Variants in CNOT2 observed in about 807,000 individuals in gnomAD.
The protein encoded by CNOT2 is CCR4-NOT transcription complex subunit 2, also known as CC chemokine receptor 4-negative regulator of transcription 2.
Under a neutral mutation model 72.1 loss-of-function variants are expected in CNOT2, and 7 were observed. The observed-to-expected ratio is 0.10, with a 90% confidence interval of 0.06 to 0.18. The LOEUF is 0.18. Among genes scored for constraint, CNOT2 ranks in the 10% least tolerant of loss-of-function variants. The pLI is 1.00. For synonymous variants in CNOT2, 196 were observed against 225.6 expected, an observed-to-expected ratio of 0.87 and a Z score of 1.17; for missense variants, 345 against 660.3, an observed-to-expected ratio of 0.52 and a Z score of 5.23.
intron 2 of CNOT2, among the ~76,000 whole-genome samples, chr12:70,297,005 A>AT (rs1872924552): frequency 6.6e-6 from 1 of 152,200 alleles, no homozygotes; most frequent in African/African-American, 2.4e-5. Flanking sequence ...AAGGGCAATT[A>AT]TAAAAACGCT....
At chr12:70,275,061 C>T (rs1024058012) in intron 1 of CNOT2, among the ~76,000 whole-genome samples, 1 of 151,532 alleles carries the variant, frequency 6.6e-6, no homozygotes, top group Non-Finnish European at 1.5e-5. Flanking sequence ...TTGTGTTTAC[C>T]TTTATAAGAA....
Position 70,329,462 on chromosome 12 carries a change from C to A in CNOT2, c.278C>A (p.Thr93Asn), listed in dbSNP as rs983374398. ...CCAATGAGGGGGATGAGCAACAATA[C>A]CCCTCAGTTAAATCGCAGCTTATCA... ...GLPMRGMSNNTPQLNRSLSQG... is the reference protein window; with the variant it reads ...GLPMRGMSNNNPQLNRSLSQG... The change falls in exon 5 of 16, where the codon ACC (threonine) becomes AAC (asparagine). Residue 93 changes from threonine (T) to asparagine (N), a missense_variant. This residue lies in a region of CNOT2 where 157 missense variants were observed against 235.3 expected (regional missense o/e 0.67). Coordinates refer to ENST00000229195, the MANE Select transcript of CNOT2 (RefSeq NM_014515.7). 9 of 1,611,608 alleles carry A rather than the reference C, an allele frequency of 5.6e-6. No individual in the cohort carries two copies. The African/African-American group carries it at 1.2e-4, about 22-fold the overall frequency.
rs1447918808 is a variant in CNOT2, at chr12:70,338,517, A to C, written c.975A>C (p.Thr325=). The C allele has an allele frequency of 6.2e-7, 1 of 1,613,294 alleles. No individual in the cohort carries two copies. Among genetic ancestry groups the C allele is most frequent in the African/African-American group, 1.3e-5 (1 of 74,902 alleles). ...PKFPGDKSST[T]QNNNQQKKGI... ...TCCCTGGAGATAAAAGTTCAACAAC[A>C]CAAAATAATAACCAGCAGAAAAAAG... Residue 325 remains threonine, a synonymous_variant, in exon 10 of 16, where the codon ACA becomes ACC. Coordinates refer to ENST00000229195, the MANE Select transcript of CNOT2 (RefSeq NM_014515.7).
chr12:70,329,592 T>A, intron 5 of CNOT2, 22 bp downstream of exon 5: 1 of 1,569,840 alleles, frequency 6.4e-7, no homozygotes, highest in African/African-American at 1.4e-5. Context: ...TGGACCAGAA[T>A]ATTTTTCAAA....
At chr12:70,284,810 C>G (rs113813817) in intron 2 of CNOT2, among the ~76,000 whole-genome samples, 31 of 152,254 alleles carry the variant, frequency 2.0e-4, no homozygotes, top group African/African-American at 7.5e-4. Flanking sequence ...ATAAGTTTCA[C>G]CAAGACACCT....
rs11178158 is a variant in CNOT2 at position 70,252,512 on chromosome 12, A to T, written c.-96+9032A>T. 4.5e-3 allele frequency among the ~76,000 whole-genome samples: 681 copies of T among 152,298 alleles called. 31 individuals carry two copies. The East Asian group carries it at 0.1, about 23-fold the overall frequency. On this transcript the variant is annotated intron_variant, in intron 1 of 15. Coordinates refer to ENST00000229195, the MANE Select transcript of CNOT2 (RefSeq NM_014515.7). ...TATGCATTATATACTATTTTATCAT[A>T]ACAAAAGTTAATGGTTCAACTATGG...
At chr12:70,317,706 A>C (rs562933638) in intron 3 of CNOT2, among the ~76,000 whole-genome samples, 12 of 149,252 alleles carry the variant, frequency 8.0e-5, no homozygotes, top group Admixed American at 7.4e-4. Flanking sequence ...GCCCTACCTC[A>C]AGAGTTACTG....
At chr12:70,335,297 G>A in intron 7 of CNOT2, 141 bp from the exon 8 acceptor site, 1 of 540,470 alleles carries the variant, frequency 1.9e-6, no homozygotes, top group South Asian at 2.8e-5. Flanking sequence ...TATCTTTTGA[G>A]CACCTACATA....
chr12:70,327,467 A>G (rs1593243395), intron 4 of CNOT2: 3 of 151,896 alleles, frequency 2.0e-5, no homozygotes, highest in African/African-American at 7.2e-5. Flanking sequence ...TAAGAGATCT[A>G]AATTCTAGTC....
intron 1 of CNOT2, among the ~76,000 whole-genome samples, chr12:70,259,042 T>A (rs1958603008): frequency 6.6e-6 from 1 of 152,204 alleles, no homozygotes; most frequent in Non-Finnish European, 1.5e-5. Flanking sequence ...TATATACTCT[T>A]CACAGTTGTT....
At chr12:70,290,405 C>A (rs535637735) in intron 2 of CNOT2, among the ~76,000 whole-genome samples, 51 of 152,240 alleles carry the variant, frequency 3.3e-4, no homozygotes, top group Non-Finnish European at 5.9e-4. Context: ...TTCTCCACTT[C>A]CTCAATTCAC....
chr12:70,276,169 T>TA (rs1461654110), intron 1 of CNOT2, among the ~76,000 whole-genome samples: 1 of 152,022 alleles, frequency 6.6e-6, no homozygotes, highest in Non-Finnish European at 1.5e-5. Context: ...GGTAAATTCT[T>TA]ACAGATTAAA....
intron 1 of CNOT2, among the ~76,000 whole-genome samples, chr12:70,264,431 G>C (rs1958927128): frequency 6.6e-6 from 1 of 152,206 alleles, no homozygotes; most frequent in South Asian, 2.1e-4. Context: ...GTCTGCTCCT[G>C]CTCTGCAGCA....
At chr12:70,336,505 A>G (rs1224834012) in intron 8 of CNOT2, 1 of 152,118 alleles carries the variant, frequency 6.6e-6, no homozygotes, top group African/African-American at 2.4e-5. Flanking sequence ...ATTTTAAGAT[A>G]GAATTAATAT....
At chr12:70,319,753 T>C (rs1192654999) in intron 4 of CNOT2, among the ~76,000 whole-genome samples, 4 of 151,718 alleles carry the variant, frequency 2.6e-5, no homozygotes, top group Non-Finnish European at 4.4e-5. Flanking sequence ...TGCACGCCTG[T>C]TTATTAAGTA....
At chr12:70,296,654 G>GT (rs200096426) in intron 2 of CNOT2, among the ~76,000 whole-genome samples, 2,729 of 143,142 alleles carry the variant, frequency 0.019, 74 homozygotes, top group African/African-American at 0.059. Flanking sequence ...CACATGAAGA[G>GT]TTTTTTTTTT....
At chr12:70,250,786 A>C (rs1371709809) in intron 1 of CNOT2, among the ~76,000 whole-genome samples, 4 of 152,072 alleles carry the variant, frequency 2.6e-5, no homozygotes, top group Non-Finnish European at 4.4e-5. Flanking sequence ...GAAGATAAGA[A>C]ATTTCATAAA....
Position 70,300,702 on chromosome 12 carries a change from G to A in CNOT2, c.49-10193G>A, listed in dbSNP as rs181117813. ...GGCTTAGGATTGACTTGGCAATGAG[G>A]GCCCTTTTTTGGTGCCATATGAACT... On this transcript the variant is annotated intron_variant, in intron 2 of 15. Coordinates refer to ENST00000229195, the MANE Select transcript of CNOT2 (RefSeq NM_014515.7). Among the ~76,000 whole-genome samples the A allele has an allele frequency of 1.8e-4, 27 of 152,246 alleles. No homozygotes were observed. In the East Asian group the frequency reaches 3.9e-3, roughly 22 times the overall value.
At chr12:70,320,507 C>T (rs1878115029) in intron 4 of CNOT2, among the ~76,000 whole-genome samples, 1 of 151,540 alleles carries the variant, frequency 6.6e-6, no homozygotes. Context: ...AACAGTTTCT[C>T]CAATTAAACC....
Sources: allele counts gnomAD v4.1 joint callset (sites outside exome capture counted in the v4.1 genomes callset), GRCh38; gene constraint gnomAD v4.1.1; regional missense constraint gnomAD v4.1.1; transcripts MANE v1.5; gene names NCBI Gene and HGNC (gene_info 2026-07-23, HGNC 2026-07-21).